Variants in POU6F2 observed in about 807,000 individuals in gnomAD.
The protein encoded by POU6F2 is POU domain, class 6, transcription factor 2.
POU6F2 carries 31 observed loss-of-function variants against 71.3 expected under a neutral mutation model. The observed-to-expected ratio is 0.43, with a 90% CI of 0.33 to 0.59. The LOEUF is 0.59. Among genes scored for constraint, POU6F2 ranks in the 20% least tolerant of loss-of-function variants. The probability of loss-of-function intolerance (pLI) is 0.04; values close to 1 mark genes in which losing one functional copy is unlikely to be tolerated. For missense variants in POU6F2, 783 were observed against 856.8 expected (o/e 0.91, Z 1.07); for synonymous variants, 347 against 355.7 (o/e 0.98, Z 0.27).
At chr7:39,105,326 G>T (rs1004629492) in intron 2 of POU6F2, among the ~76,000 whole-genome samples, 1 of 152,038 alleles carries the variant, frequency 6.6e-6, no homozygotes, top group African/African-American at 2.4e-5. Context: ...TGTGTTTGAA[G>T]ATATTTCATG....
intron 5 of POU6F2, among the ~76,000 whole-genome samples, chr7:39,390,360 C>T (rs1161679048): frequency 6.6e-6 from 1 of 152,192 alleles, no homozygotes; most frequent in Non-Finnish European, 1.5e-5. Context: ...AGTGCCACTG[C>T]ACTCCAGCCT....
At chr7:39,251,217 A>AG (rs1783909861) in intron 4 of POU6F2, among the ~76,000 whole-genome samples, 1 of 152,200 alleles carries the variant, frequency 6.6e-6, no homozygotes, top group African/African-American at 2.4e-5. Flanking sequence ...TCCCCTCTCC[A>AG]GAAGAGGCTG....
In POU6F2 at chr7:39,335,468, G is replaced by A. The variant is rs538009611; in HGVS notation, c.599-4174G>A. Among the ~76,000 whole-genome samples, 20 of 152,244 alleles carry A rather than the reference G, an allele frequency of 1.3e-4. 1 individual carries two copies. The highest frequency in any genetic ancestry group is 4.2e-4 in the South Asian group (2 of 4,812). On this transcript the variant is annotated intron_variant, in intron 4 of 9. Coordinates refer to ENST00000518318, the MANE Select transcript of POU6F2 (RefSeq NM_001370959.1). ...CTTCTCACAAGCACAGCCACGGAGC[G>A]CATCTTTCTGCATGTGAGCAGTCTT...
intron 4 of POU6F2, among the ~76,000 whole-genome samples, chr7:39,277,399 C>T (rs1004343587): frequency 6.6e-6 from 1 of 152,078 alleles, no homozygotes; most frequent in African/African-American, 2.4e-5. Flanking sequence ...CCCTTGCCCC[C>T]CTCCCTCTCT....
chr7:39,301,071 T>G (rs1043308956), intron 4 of POU6F2, among the ~76,000 whole-genome samples: 1 of 152,194 alleles, frequency 6.6e-6, no homozygotes, highest in African/African-American at 2.4e-5. Flanking sequence ...TATATTTTGG[T>G]CCACTATGAT....
At chr7:39,230,489 GAAA>G (rs971811603) in intron 4 of POU6F2, among the ~76,000 whole-genome samples, 4 of 102,560 alleles carry the variant, frequency 3.9e-5, no homozygotes, top group South Asian at 3.1e-4. Context: ...GTTTTAAAAA[GAAA>G]AAAAAAAAAA....
intron 5 of POU6F2, among the ~76,000 whole-genome samples, chr7:39,341,336 A>G (rs1004078174): frequency 1.3e-5 from 2 of 152,114 alleles, no homozygotes; most frequent in African/African-American, 2.4e-5. Flanking sequence ...CAATTTGAAC[A>G]TTTTCATGAG....
chr7:39,320,930 C>T (rs1015714803), intron 4 of POU6F2, among the ~76,000 whole-genome samples: 1 of 152,074 alleles, frequency 6.6e-6, no homozygotes, highest in African/African-American at 2.4e-5. Context: ...GTGGCATGCA[C>T]CTGTAGTCCC....
At position 39,207,601 on chromosome 7, in the gene POU6F2, G is replaced by C. The variant is rs774638548; in HGVS notation, c.579G>C (p.Leu193=). The C allele has an allele frequency of 6.2e-7, 1 of 1,613,840 alleles. No individual in the cohort carries two copies. Residue 193 remains leucine, a synonymous_variant, in exon 4 of 10, where the codon CTG becomes CTC. Coordinates refer to ENST00000518318, the MANE Select transcript of POU6F2 (RefSeq NM_001370959.1). The part of the protein sequence containing the change: ...AAAAAGGIMT[L]PLQNLQATSS... ...CTGCAGCCGGAGGCATTATGACTCTGCCACTGCAAAATCTACAAGGTAATC... is the reference window on the plus strand; with the variant it reads ...CTGCAGCCGGAGGCATTATGACTCTCCCACTGCAAAATCTACAAGGTAATC...
At chr7:39,239,423 T>C (rs899723265) in intron 4 of POU6F2, among the ~76,000 whole-genome samples, 2 of 152,184 alleles carry the variant, frequency 1.3e-5, no homozygotes, top group Non-Finnish European at 2.9e-5. Context: ...TGGTTTTTAT[T>C]TATCCCACTT....
At chr7:39,241,943 A>G (rs1783733719) in intron 4 of POU6F2, among the ~76,000 whole-genome samples, 1 of 152,148 alleles carries the variant, frequency 6.6e-6, no homozygotes, top group Middle Eastern at 3.4e-3. Flanking sequence ...TTCTGTCTCT[A>G]TAGTTTTGCC....
At chr7:39,312,402 A>C (rs1056701496) in intron 4 of POU6F2, among the ~76,000 whole-genome samples, 2 of 152,226 alleles carry the variant, frequency 1.3e-5, no homozygotes, top group African/African-American at 4.8e-5. Flanking sequence ...AGAAACATTC[A>C]GTGCCAGAAG....
At chr7:39,126,163 C>A (rs1792133563) in intron 2 of POU6F2, among the ~76,000 whole-genome samples, 1 of 152,214 alleles carries the variant, frequency 6.6e-6, no homozygotes, top group South Asian at 2.1e-4. Flanking sequence ...CATGTTAGAC[C>A]TAACCTTCGT....
rs1793964149 is a variant in POU6F2 at position 39,204,326 on chromosome 7, G to A, written c.369G>A (p.Gln123=). 1 of 1,611,230 alleles carries A rather than the reference G, an allele frequency of 6.2e-7. No homozygotes were observed. The highest frequency in any genetic ancestry group is 8.5e-7 in the Non-Finnish European group (1 of 1,177,674). Residue 123 remains glutamine (Q), a splice_region_variant and synonymous_variant, in exon 3 of 10, where the codon CAG becomes CAA. Transcript: ENST00000518318. ...ACCCCCCATTTCCAGTTGGGCCACAGGTCAGTATCTCTCAACTGCTTTCCA... is the reference window on the plus strand; with the variant it reads ...ACCCCCCATTTCCAGTTGGGCCACAAGTCAGTATCTCTCAACTGCTTTCCA... ...QTHPPFPVGP[Q]PLLTAQQLAS...
intron 2 of POU6F2, among the ~76,000 whole-genome samples, chr7:39,194,218 G>C (rs559030589): frequency 6.6e-6 from 1 of 152,210 alleles, no homozygotes; most frequent in Admixed American, 6.5e-5. Flanking sequence ...GTCCATCTAC[G>C]ATGAAACAGT....
At chr7:39,414,916 T>C (rs1397373073) in intron 6 of POU6F2, among the ~76,000 whole-genome samples, 1 of 152,098 alleles carries the variant, frequency 6.6e-6, no homozygotes, top group Admixed American at 6.5e-5. Context: ...TCTCTGAAGA[T>C]TGAGCTAGAG....
chr7:39,339,552 C>T (rs1405936514), intron 4 of POU6F2, 90 bp from the exon 5 acceptor site: 1 of 1,448,574 alleles, frequency 6.9e-7, no homozygotes, highest in East Asian at 2.4e-5. Flanking sequence ...TAAAGGAAAC[C>T]CTTCTCCACT....
At chr7:39,381,667 G>A (rs1786832449) in intron 5 of POU6F2, among the ~76,000 whole-genome samples, 1 of 152,172 alleles carries the variant, frequency 6.6e-6, no homozygotes, top group African/African-American at 2.4e-5. Context: ...CTTTTGCTAT[G>A]AGTTGCAAAA....
chr7:39,089,144 C>T (rs1236715359), intron 2 of POU6F2, among the ~76,000 whole-genome samples: 4 of 152,074 alleles, frequency 2.6e-5, no homozygotes, highest in Admixed American at 6.6e-5. Context: ...TCAGTGGTAA[C>T]GTTTTGCTTA....
Sources: gnomAD v4.1 joint callset for allele counts (sites outside exome capture counted in the v4.1 genomes callset) on GRCh38, gnomAD v4.1.1 for gene constraint, MANE v1.5 for transcripts, NCBI Gene and HGNC (gene_info 2026-07-23, HGNC 2026-07-21) for gene names.